The following SFMBT2 variants were observed in gnomAD, a reference collection of about 807,000 sequenced individuals.
SFMBT2 encodes the protein Scm like with four mbt domains 2, also known as scm-like with four MBT domains protein 2.
In SFMBT2, 38 loss-of-function variants were observed where a neutral mutation model predicts 110.1. The ratio of observed to expected loss-of-function variants is 0.35; its 90% CI spans 0.27 to 0.45. The LOEUF is 0.45. Ranked by LOEUF, SFMBT2 falls within the 20% of genes least tolerant of loss-of-function variation. SFMBT2 has a pLI of 1.00. For synonymous variants in SFMBT2, 425 were observed against 425.4 expected (o/e 1.00, Z 0.01); for missense variants, 1,011 against 1,094.9 (o/e 0.92, Z 1.08).
intron 4 of SFMBT2, among the ~76,000 whole-genome samples, chr10:7,300,526 C>T (rs372265496): frequency 3.9e-5 from 6 of 152,332 alleles, no homozygotes; most frequent in African/African-American, 1.4e-4. Flanking sequence ...GCCCCCTTCA[C>T]ACATACTTTA....
At chr10:7,369,248 T>C (rs1844997633) in intron 3 of SFMBT2, among the ~76,000 whole-genome samples, 2 of 152,258 alleles carry the variant, frequency 1.3e-5, no homozygotes, top group Admixed American at 6.5e-5. Flanking sequence ...GTTAAGAAAG[T>C]GCCCCGATTT....
At chr10:7,199,057 C>T (rs185503774) in intron 14 of SFMBT2, among the ~76,000 whole-genome samples, 1 of 152,178 alleles carries the variant, frequency 6.6e-6, no homozygotes, top group Non-Finnish European at 1.5e-5. Context: ...CAGCTCACTG[C>T]AACCTCCACC....
At chr10:7,288,337 A>G (rs896161113) in intron 4 of SFMBT2, among the ~76,000 whole-genome samples, 1 of 152,212 alleles carries the variant, frequency 6.6e-6, no homozygotes, top group African/African-American at 2.4e-5. Flanking sequence ...CCCCGCTTAT[A>G]ATAAAGAATA....
intron 16 of SFMBT2, among the ~76,000 whole-genome samples, chr10:7,177,782 C>G (rs1439378326): frequency 6.6e-6 from 1 of 151,870 alleles, no homozygotes; most frequent in Non-Finnish European, 1.5e-5. Context: ...TCCTTGAGCA[C>G]AGGCGGTCAA....
intron 16 of SFMBT2, among the ~76,000 whole-genome samples, chr10:7,178,786 A>T (rs1838153211): frequency 6.6e-6 from 1 of 152,200 alleles, no homozygotes; most frequent in Admixed American, 6.5e-5. Context: ...TTATCCAAAT[A>T]TTTATGGGAA....
intron 4 of SFMBT2, chr10:7,292,088 A>G (rs1842276992): frequency 6.5e-6 from 1 of 153,176 alleles, no homozygotes; most frequent in Admixed American, 6.5e-5. Context: ...TGATATATGT[A>G]CTTTTTATTT....
At chr10:7,179,243 C>T (rs1838165552) in intron 16 of SFMBT2, among the ~76,000 whole-genome samples, 1 of 151,892 alleles carries the variant, frequency 6.6e-6, no homozygotes, top group Non-Finnish European at 1.5e-5. Flanking sequence ...TAAGATCATG[C>T]TTTAAATCCT....
intron 15 of SFMBT2, among the ~76,000 whole-genome samples, chr10:7,194,985 A>C (rs1267087475): frequency 1.3e-5 from 2 of 152,236 alleles, no homozygotes; most frequent in Admixed American, 1.3e-4. Flanking sequence ...TCATTTCAAC[A>C]ACGGAACACG....
intron 7 of SFMBT2, among the ~76,000 whole-genome samples, chr10:7,262,458 T>G (rs1213091974): frequency 6.6e-6 from 1 of 152,134 alleles, no homozygotes; most frequent in East Asian, 1.9e-4. Context: ...TTTGCACACC[T>G]CCAAATCCCA....
intron 4 of SFMBT2, among the ~76,000 whole-genome samples, chr10:7,343,797 C>T (rs1469986165): frequency 2.6e-5 from 4 of 152,118 alleles, no homozygotes; most frequent in Non-Finnish European, 4.4e-5. Flanking sequence ...AACTTAGAAG[C>T]AAACCGTTAA....
intron 1 of SFMBT2, among the ~76,000 whole-genome samples, chr10:7,396,033 G>C (rs868092147): frequency 6.6e-6 from 1 of 152,094 alleles, no homozygotes; most frequent in African/African-American, 2.4e-5. Flanking sequence ...TTAGGAGTTC[G>C]AGACCAGCCT....
chr10:7,295,384 A>T (rs1293011826), intron 4 of SFMBT2: 1 of 152,246 alleles, frequency 6.6e-6, no homozygotes, highest in African/African-American at 2.4e-5. Context: ...ACTGGCCAAC[A>T]AATAATAGGT....
intron 2 of SFMBT2, among the ~76,000 whole-genome samples, chr10:7,380,179 A>C (rs2132079157): frequency 6.6e-6 from 1 of 152,362 alleles, no homozygotes; most frequent in South Asian, 2.1e-4. Flanking sequence ...AAGTAGAATA[A>C]TTAGGATGAA....
intron 7 of SFMBT2, among the ~76,000 whole-genome samples, chr10:7,262,319 G>C (rs1287158571): frequency 6.6e-6 from 1 of 152,062 alleles, no homozygotes; most frequent in Non-Finnish European, 1.5e-5. Context: ...GTAGATAAAA[G>C]AATTATAATC....
intron 9 of SFMBT2, among the ~76,000 whole-genome samples, chr10:7,239,600 A>G (rs938549919): frequency 2.0e-5 from 3 of 152,208 alleles, no homozygotes; most frequent in African/African-American, 7.2e-5. Context: ...CTCTCACAAG[A>G]GAGTAAGGGA....
At chr10:7,218,330 GA>G (rs1839611422) in intron 11 of SFMBT2, among the ~76,000 whole-genome samples, 1 of 152,176 alleles carries the variant, frequency 6.6e-6, no homozygotes, top group Non-Finnish European at 1.5e-5. Context: ...CTGTCACTCT[GA>G]AAGGTCAGTG....
Position 7,303,011 on chromosome 10 carries a change from T to TAA in SFMBT2, c.437-17059_437-17058dup, listed in dbSNP as rs34419665. On this transcript the variant is annotated intron_variant, in intron 4 of 20. Transcript: ENST00000397167. ...AAACTTTGCAAAAGGGTTACAATGT[T>TAA]AAAAAAAAAAAAATGCTGCACCTGT... is the stretch of plus-strand genomic sequence containing the variant. Among the ~76,000 whole-genome samples the TAA allele has an allele frequency of 5.9e-3, 890 of 150,532 alleles. 5 individuals carry two copies. The highest frequency in any genetic ancestry group is 0.031 in the Middle Eastern group (9 of 294).
intron 1 of SFMBT2, among the ~76,000 whole-genome samples, chr10:7,395,484 C>A (rs962580976): frequency 1.3e-4 from 20 of 152,240 alleles, no homozygotes; most frequent in Admixed American, 7.8e-4. Context: ...AATTCAGGTT[C>A]TTCAGCTCTA....
At chr10:7,368,059 A>G (rs1429162244) in intron 3 of SFMBT2, among the ~76,000 whole-genome samples, 170 bp from the exon 4 acceptor site, 1 of 152,250 alleles carries the variant, frequency 6.6e-6, no homozygotes, top group Admixed American at 6.5e-5. Context: ...ACGTAATGCT[A>G]AACTTTACAT....
Sources: gnomAD v4.1 joint callset for allele counts (sites outside exome capture counted in the v4.1 genomes callset) on GRCh38, gnomAD v4.1.1 for gene constraint, MANE v1.5 for transcripts, NCBI Gene and HGNC (gene_info 2026-07-23, HGNC 2026-07-21) for gene names.